Variants in DHX30 observed in about 807,000 individuals in gnomAD.
DHX30 encodes the protein DExH-box helicase 30.
Under a neutral mutation model 116.9 loss-of-function variants are expected in DHX30, and 4 were observed. The ratio of observed to expected loss-of-function variants is 0.03; its 90% CI spans 0.02 to 0.08. DHX30 has a LOEUF of 0.08. Ranked by LOEUF, DHX30 falls within the 10% of genes least tolerant of loss-of-function variation. The pLI is 1.00. For missense variants in DHX30, 871 were observed against 1,595.1 expected, an observed-to-expected ratio of 0.55 and a Z score of 7.73; for synonymous variants, 697 against 651.7, an observed-to-expected ratio of 1.07 and a Z score of -1.06.
chr3:47,847,591 C>T lies in DHX30; in HGVS notation c.2110+55C>T. On this transcript the variant is annotated intron_variant, in intron 13 of 21. Coordinates refer to ENST00000445061, the MANE Select transcript of DHX30 (RefSeq NM_138615.3). The surrounding 1 kb of genome is among the most constrained non-coding windows in gnomAD (Gnocchi z 5.5). Reference sequence around the variant, plus strand: ...CTTTGGAAACCAGCCTGACCTCTGTCCTAGGGACTGACCCAACTGGGACTC... The same window carrying T: ...CTTTGGAAACCAGCCTGACCTCTGTTCTAGGGACTGACCCAACTGGGACTC... 1 of 1,505,532 alleles carries T rather than the reference C, an allele frequency of 6.6e-7. No individual in the cohort carries two copies. Among genetic ancestry groups the T allele is most frequent in the African/African-American group, 1.4e-5 (1 of 71,978 alleles). The allele number at this position is 1,505,532 out of a possible 1,614,324, so 93.3% of individuals were successfully genotyped here.
At chr3:47,845,331 G>T (rs983987575) in intron 9 of DHX30, among the ~76,000 whole-genome samples, 2 of 151,966 alleles carry the variant, frequency 1.3e-5, no homozygotes, top group African/African-American at 2.4e-5. Flanking sequence ...GGGACTATAG[G>T]TGCCGGCCCC....
At position 47,850,019 on chromosome 3, in the gene DHX30, C is replaced by T. The variant is rs1205716563; in HGVS notation, c.3484C>T (p.Pro1162Ser). 6.2e-7 allele frequency: 1 copy of T among 1,610,406 alleles called. No individual in the cohort carries two copies. Among genetic ancestry groups the T allele is most frequent in the Admixed American group, 1.7e-5 (1 of 59,750 alleles). ...SLRSELAALPPSVQEEHGQLL... is the reference protein window; with the variant it reads ...SLRSELAALPSSVQEEHGQLL... ...GCGCAGCGAGCTGGCTGCACTTCCCCCCAGCGTACAGGAGGAGCACGGGCA... is the reference window on the plus strand; with the variant it reads ...GCGCAGCGAGCTGGCTGCACTTCCCTCCAGCGTACAGGAGGAGCACGGGCA... Residue 1162 changes from proline to serine, a missense_variant, in exon 22 of 22, where the codon CCC becomes TCC. This residue lies in a region of DHX30 where 52 missense variants were observed against 50.1 expected (regional missense o/e 1.04). Transcript: ENST00000445061.
intron 6 of DHX30, among the ~76,000 whole-genome samples, chr3:47,839,280 CTTTTTT>C (rs59932351): frequency 1.5e-5 from 2 of 129,802 alleles, no homozygotes; most frequent in Non-Finnish European, 3.2e-5. Context: ...CTTATATTCT[CTTTTTT>C]TTTTTTTTTT....
At chr3:47,821,725 T>A (rs556072791) in intron 4 of DHX30, among the ~76,000 whole-genome samples, 61 of 152,064 alleles carry the variant, frequency 4.0e-4, no homozygotes, top group African/African-American at 1.3e-3. Context: ...GCCTCTTGAG[T>A]AGCTGGGATT....
At chr3:47,837,060 C>A (rs1479637901) in intron 6 of DHX30, among the ~76,000 whole-genome samples, 1 of 152,108 alleles carries the variant, frequency 6.6e-6, no homozygotes, top group Non-Finnish European at 1.5e-5. Flanking sequence ...AGAAGGTGTC[C>A]ACGGGAGGAC....
At chr3:47,813,292 G>T (rs937753661) in intron 3 of DHX30, among the ~76,000 whole-genome samples, 1 of 152,172 alleles carries the variant, frequency 6.6e-6, no homozygotes, top group African/African-American at 2.4e-5. Context: ...GCAGTGAGCC[G>T]AGATCGCGCC....
chr3:47,846,646 C>A lies in DHX30; in HGVS notation c.1574C>A (p.Pro525His), dbSNP rs1253588685. The change falls in exon 11 of 22, where the codon CCC (proline) becomes CAC (histidine). Residue 525 changes from proline (P) to histidine (H), a missense_variant. This residue lies in a region of DHX30 where 63 missense variants were observed against 180.6 expected (regional missense o/e 0.35). Transcript: ENST00000445061. ...TTCCAGGTGCGGTTGGAAAGTAAGC[C>A]CCCATCCCGAGGCGGGGCCCTGCTC... The part of the protein sequence containing the change: ...VGFQVRLESK[P>H]PSRGGALLFC... 1.9e-6 allele frequency: 3 copies of A among 1,613,930 alleles called. No homozygotes were observed. In the African/African-American group the frequency reaches 4.0e-5, roughly 22 times the overall value.
At chr3:47,816,229 A>G (rs1559690847) in intron 3 of DHX30, 3 of 985,130 alleles carry the variant, frequency 3.0e-6, no homozygotes, top group Non-Finnish European at 3.6e-6. Context: ...AATTGGGCCA[A>G]TGCAACTGCA....
rs557226869 is a variant in DHX30 at position 47,838,008 on chromosome 3, T to A, written c.367-2869T>A. Among the ~76,000 whole-genome samples the A allele has an allele frequency of 3.7e-3, 566 of 152,208 alleles. 5 individuals are homozygous for A. Among genetic ancestry groups the A allele is most frequent in the African/African-American group, 0.013 (533 of 41,544 alleles). On this transcript the variant is annotated intron_variant, in intron 6 of 21. Transcript: ENST00000445061. ...CCTGTGGGGACGAGATCCTCTGGTCTAGTGAAAGAGTGGTTGCAAAGGCAG... is the reference window on the plus strand; with the variant it reads ...CCTGTGGGGACGAGATCCTCTGGTCAAGTGAAAGAGTGGTTGCAAAGGCAG...
At chr3:47,844,868 A>G (rs915262411) in intron 9 of DHX30, among the ~76,000 whole-genome samples, 1 of 152,150 alleles carries the variant, frequency 6.6e-6, no homozygotes, top group African/African-American at 2.4e-5. Context: ...TTTACAGGAA[A>G]TTCCACGTGC....
Position 47,850,146 on chromosome 3 carries a change from C to T in DHX30, c.*26C>T, listed in dbSNP as rs2107189715. On this transcript the variant is annotated 3_prime_UTR_variant, in exon 22 of 22. Coordinates refer to ENST00000445061, the MANE Select transcript of DHX30 (RefSeq NM_138615.3). ...GCCCTGCTTCTGCTGGGGCTGTGTA[C>T]AGAGTGCAAATGTTTATTTAAAATA... 2 of 1,559,686 alleles carry T rather than the reference C, an allele frequency of 1.3e-6. No homozygotes were observed. The highest frequency in any genetic ancestry group is 2.3e-5 in the East Asian group (1 of 43,386).
In DHX30 at chr3:47,843,226, G is replaced by T. The variant is rs753000278; in HGVS notation, c.910G>T (p.Ala304Ser). The T allele has an allele frequency of 6.2e-7, 1 of 1,614,272 alleles. No individual in the cohort carries two copies. The highest frequency in any genetic ancestry group is 8.5e-7 in the Non-Finnish European group (1 of 1,180,052). ...GRRKAEAENK[A>S]AALACKKLKS... ...CCGCAAAGCAGAGGCTGAGAATAAG[G>T]CGGCAGCCTTGGCCTGCAAGAAACT... The change falls in exon 9 of 22, where the codon GCG becomes TCG. Residue 304 changes from alanine (A) to serine (S), a missense_variant. Physicochemically the swap from Ala to Ser is moderately conservative, Grantham distance 99. Around this residue, in one of 13 missense-constraint regions of DHX30, gnomAD observed 175 missense variants for 292.9 expected, o/e 0.60. Coordinates refer to ENST00000445061, the MANE Select transcript of DHX30 (RefSeq NM_138615.3).
At chr3:47,817,005 T>C (rs538778426) in intron 3 of DHX30, 17 of 967,696 alleles carry the variant, frequency 1.8e-5, no homozygotes, top group Non-Finnish European at 2.1e-5. Flanking sequence ...GCTTTCAGAA[T>C]TTTTTGAAAC....
chr3:47,850,134 T>A lies in DHX30; in HGVS notation c.*14T>A, dbSNP rs1016527973. On this transcript the variant is annotated 3_prime_UTR_variant, in exon 22 of 22. Transcript: ENST00000445061. ...GCTGACGACTGAGCCCTGCTTCTGC[T>A]GGGGCTGTGTACAGAGTGCAAATGT... The A allele has an allele frequency of 6.3e-7, 1 of 1,576,222 alleles. No homozygotes were observed. The highest frequency in any genetic ancestry group is 8.6e-7 in the Non-Finnish European group (1 of 1,164,170).
chr3:47,841,701 G>T lies in DHX30; in HGVS notation c.753G>T (p.Lys251Asn). The T allele has an allele frequency of 6.2e-7, 1 of 1,614,242 alleles. No homozygotes were observed. ...CACTTCCCAAGAACCTTCTGGCCAA[G>T]GTGATTCAGATTGCAACGTCATCCT... ...QFPLPKNLLA[K>N]VIQIATSSST... The change falls in exon 8 of 22, where the codon AAG becomes AAT. Residue 251 changes from lysine to asparagine, a missense_variant. Transcript: ENST00000445061.
chr3:47,824,150 G>A (rs1393979724), intron 4 of DHX30, among the ~76,000 whole-genome samples: 1 of 151,828 alleles, frequency 6.6e-6, no homozygotes, highest in African/African-American at 2.4e-5. Context: ...TTACAGGCGC[G>A]CGACACTATG....
intron 4 of DHX30, chr3:47,824,867 C>G: frequency 2.2e-6 from 1 of 458,286 alleles, no homozygotes; most frequent in Non-Finnish European, 3.8e-6. Flanking sequence ...GCCGAGCCCG[C>G]CTACTGAAGG....
chr3:47,832,024 G>A (rs2036883480), intron 6 of DHX30, among the ~76,000 whole-genome samples: 2 of 149,242 alleles, frequency 1.3e-5, no homozygotes, highest in Non-Finnish European at 3.0e-5. Context: ...GTTATATCTG[G>A]AGGGGCTGAT....
rs1331914673 is a variant in DHX30 at position 47,849,117 on chromosome 3, C to T, written c.2929+38C>T. ...CACACCTGCTCTCCTGAGCCCCTCC[C>T]ACCCCCACTGAGTTTCTGTCACCTC... is the stretch of plus-strand genomic sequence containing the variant. On this transcript the variant is annotated intron_variant, in intron 18 of 21. Transcript: ENST00000445061. 3 of 1,611,562 alleles carry T rather than the reference C, an allele frequency of 1.9e-6. No individual in the cohort carries two copies. In the South Asian group the frequency reaches 3.3e-5, roughly 18 times the overall value.
Sources: allele counts gnomAD v4.1 joint callset (sites outside exome capture counted in the v4.1 genomes callset), GRCh38; gene constraint gnomAD v4.1.1; regional missense constraint gnomAD v4.1.1; non-coding constraint Gnocchi (gnomAD v3.1); transcripts MANE v1.5; gene names NCBI Gene and HGNC (gene_info 2026-07-23, HGNC 2026-07-21).